Variants in SEMA3A observed in about 807,000 individuals in gnomAD.
The protein encoded by SEMA3A is semaphorin 3A, also known as semaphorin-3A.
In SEMA3A, 29 loss-of-function variants were observed where a neutral mutation model predicts 97.9. That is an observed-to-expected ratio of 0.30 (90% CI 0.22 to 0.40). SEMA3A has a LOEUF of 0.40. SEMA3A is among the 10% of genes least tolerant of loss of function. The pLI is 1.00. For missense variants in SEMA3A, 763 were observed against 951.3 expected, an observed-to-expected ratio of 0.80 and a Z score of 2.60; for synonymous variants, 321 against 323.7, an observed-to-expected ratio of 0.99 and a Z score of 0.09.
intron 1 of SEMA3A, among the ~76,000 whole-genome samples, chr7:84,382,702 CAAAAAAAAAAAAAAAAAAA>C (rs377120252): frequency 1.2e-5 from 1 of 82,060 alleles, no homozygotes; most frequent in Non-Finnish European, 2.3e-5. Context: ...ACTAAAAATC[CAAAAAAAAAAAAAAAAAAA>C]AAAAAAAATA....
chr7:84,152,301 A>C (rs1796696703), intron 1 of SEMA3A, among the ~76,000 whole-genome samples: 1 of 141,620 alleles, frequency 7.1e-6, no homozygotes, highest in Non-Finnish European at 1.5e-5. Flanking sequence ...CCAAATGTCC[A>C]ACAATGATAG....
At chr7:84,290,298 A>C (rs1584206349) in intron 3 of SEMA3A, among the ~76,000 whole-genome samples, 1 of 152,210 alleles carries the variant, frequency 6.6e-6, no homozygotes, top group Non-Finnish European at 1.5e-5. Flanking sequence ...CCAACCAAAC[A>C]AAAAAACTGT....
intron 3 of SEMA3A, among the ~76,000 whole-genome samples, chr7:84,296,084 C>G (rs922484523): frequency 6.6e-6 from 1 of 152,054 alleles, no homozygotes; most frequent in East Asian, 1.9e-4. Context: ...CAGAGAATTC[C>G]TGACTTAAGA....
chr7:84,373,499 C>T (rs1210705574), intron 1 of SEMA3A, among the ~76,000 whole-genome samples: 1 of 152,120 alleles, frequency 6.6e-6, no homozygotes, highest in Non-Finnish European at 1.5e-5. Context: ...ATGAGATCAG[C>T]CTGACTTACC....
At chr7:84,307,595 T>C (rs1801193325) in intron 2 of SEMA3A, among the ~76,000 whole-genome samples, 1 of 152,174 alleles carries the variant, frequency 6.6e-6, no homozygotes, top group African/African-American at 2.4e-5. Flanking sequence ...ACTGATTTAT[T>C]TGAGAATTAG....
At chr7:84,447,095 C>G (rs1422903576) in intron 1 of SEMA3A, among the ~76,000 whole-genome samples, 1 of 152,182 alleles carries the variant, frequency 6.6e-6, no homozygotes, top group Non-Finnish European at 1.5e-5. Flanking sequence ...TTGAAGCGAG[C>G]CCAGGCGCCA....
At chr7:84,476,152 C>T (rs1262484282) in intron 1 of SEMA3A, among the ~76,000 whole-genome samples, 1 of 151,772 alleles carries the variant, frequency 6.6e-6, no homozygotes, top group Non-Finnish European at 1.5e-5. Flanking sequence ...GTCAGGAGTT[C>T]GAGAGCAGCC....
Position 84,409,657 on chromosome 7 carries a change from A to T in SEMA3A, c.-245-37757T>A, listed in dbSNP as rs528633589. ...TATTGTGTAAATTCTTCTTGTATTAAAAGAAAAAAAACTAATTTGTGTTTG... is the reference window on the plus strand; with the variant it reads ...TATTGTGTAAATTCTTCTTGTATTATAAGAAAAAAAACTAATTTGTGTTTG... On this transcript the variant is annotated intron_variant, in intron 1 of 3. Coordinates refer to the SEMA3A transcript ENST00000424555. Among the ~76,000 whole-genome samples the T allele has an allele frequency of 4.6e-5, 7 of 152,188 alleles. No individual in the cohort carries two copies. The South Asian group carries it at 1.4e-3, about 32-fold the overall frequency.
intron 1 of SEMA3A, among the ~76,000 whole-genome samples, chr7:84,469,813 T>C (rs1806101949): frequency 6.6e-6 from 1 of 152,080 alleles, no homozygotes; most frequent in African/African-American, 2.4e-5. Flanking sequence ...GATAAATCTA[T>C]TGTAATTTCC....
rs1466965943 is a variant in SEMA3A at position 83,955,899 on chromosome 7, C to G, written c.*5472G>C. On this transcript the variant is annotated 3_prime_UTR_variant, in exon 17 of 17. Transcript: ENST00000265362. ...GATGACATGAACACATCTATAAAAA[C>G]TTTTGCTTAGGTCCTATATAAATAA... 6.6e-6 allele frequency: 1 copy of G among 152,092 alleles called. No individual in the cohort carries two copies. Among genetic ancestry groups the G allele is most frequent in the Non-Finnish European group, 1.5e-5 (1 of 68,000 alleles). 9.4% of individuals were successfully genotyped at this position (152,092 alleles called of 1,614,324 possible).
chr7:84,065,963 A>G (rs990299397), intron 4 of SEMA3A, among the ~76,000 whole-genome samples: 5 of 151,512 alleles, frequency 3.3e-5, no homozygotes, highest in African/African-American at 7.3e-5. Flanking sequence ...CAGAGACACA[A>G]CAAAAAAAGA....
In SEMA3A at chr7:84,424,622, A is replaced by C. The variant is rs1372628318; in HGVS notation, c.-245-52722T>G. On this transcript the variant is annotated intron_variant, in intron 1 of 3. Coordinates refer to the SEMA3A transcript ENST00000424555. ...TAAATATTAATATATAATATAATAT[A>C]TAATATATATACAATATATATTATA... Among the ~76,000 whole-genome samples, 4 of 46,446 alleles carry C rather than the reference A, an allele frequency of 8.6e-5. No homozygotes were observed. The East Asian group carries it at 2.3e-3, about 26-fold the overall frequency. The allele number at this position is 46,446 out of a possible 152,430, so 30.5% of individuals were successfully genotyped here.
chr7:84,344,007 CG>C, intron 2 of SEMA3A, among the ~76,000 whole-genome samples: 1 of 144,240 alleles, frequency 6.9e-6, no homozygotes, highest in East Asian at 2.2e-4. Flanking sequence ...CACTTTGTTT[CG>C]GGGAAAAAAA....
upstream of SEMA3A, among the ~76,000 whole-genome samples, chr7:84,199,738 A>C (rs1238163056): frequency 6.6e-6 from 1 of 152,056 alleles, no homozygotes; most frequent in African/African-American, 2.4e-5. Flanking sequence ...TCTTTTTTCT[A>C]AAAAAGAATT....
intron 3 of SEMA3A, among the ~76,000 whole-genome samples, chr7:84,287,130 C>T (rs1442759672): frequency 6.6e-6 from 1 of 151,972 alleles, no homozygotes; most frequent in Non-Finnish European, 1.5e-5. Context: ...AAACTTGTCA[C>T]GTTCTCTTAA....
chr7:84,020,035 C>CTTTTTTTTTTTTTTTTTTTTTTTTTTT lies in SEMA3A; in HGVS notation c.668-5711_668-5685dup, dbSNP rs781108685. ...AATATTGTTAATGATTTTTTTCTTT[C>CTTTTTTTTTTTTTTTTTTTTTTTTTTT]TTTTTTTTTTTTTTTTTTTTTTTTT... On this transcript the variant is annotated intron_variant, in intron 6 of 16. Transcript: ENST00000265362. 2.4e-4 allele frequency among the ~76,000 whole-genome samples: 14 copies of CTTTTTTTTTTTTTTTTTTTTTTTTTTT among 58,252 alleles called. 4 individuals are homozygous for CTTTTTTTTTTTTTTTTTTTTTTTTTTT. The highest frequency in any genetic ancestry group is 2.8e-4 in the Non-Finnish European group (9 of 32,208). 38.2% of individuals were successfully genotyped at this position (58,252 alleles called of 152,430 possible).
At chr7:84,249,045 A>C (rs1346080964) in intron 3 of SEMA3A, among the ~76,000 whole-genome samples, 3 of 152,200 alleles carry the variant, frequency 2.0e-5, no homozygotes, top group Admixed American at 2.0e-4. Flanking sequence ...TATTTCATGC[A>C]GTTCAACTTT....
intron 3 of SEMA3A, among the ~76,000 whole-genome samples, chr7:84,111,739 C>T (rs1795281174): frequency 6.6e-6 from 1 of 152,036 alleles, no homozygotes; most frequent in African/African-American, 2.4e-5. Flanking sequence ...TAATTTCTTC[C>T]ACTGTTTTGC....
intron 2 of SEMA3A, among the ~76,000 whole-genome samples, chr7:84,313,932 T>C (rs1801431264): frequency 6.6e-6 from 1 of 152,042 alleles, no homozygotes; most frequent in African/African-American, 2.4e-5. Flanking sequence ...AAGAAACTGG[T>C]ATTTTTTTCT....
Sources: gnomAD v4.1 joint callset for allele counts (sites outside exome capture counted in the v4.1 genomes callset) on GRCh38, gnomAD v4.1.1 for gene constraint, MANE v1.5 for transcripts, NCBI Gene and HGNC (gene_info 2026-07-23, HGNC 2026-07-21) for gene names.